Variants in KCNIP3 observed in about 807,000 individuals in gnomAD.
KCNIP3 encodes potassium voltage-gated channel interacting protein 3.
A neutral mutation model predicts 35.0 loss-of-function variants in KCNIP3; 28 were observed. The ratio of observed to expected loss-of-function variants is 0.80; its 90% CI spans 0.59 to 1.10. The LOEUF is 1.10. Among genes scored for constraint, KCNIP3 ranks in the 50% least tolerant of loss-of-function variants. The pLI is 0.00. For missense variants in KCNIP3, 295 were observed against 338.4 expected, an observed-to-expected ratio of 0.87 and a Z score of 1.01; for synonymous variants, 134 against 133.8, an observed-to-expected ratio of 1.00 and a Z score of -0.01.
At chr2:95,373,169 C>T (rs1354464776) in intron 2 of KCNIP3, among the ~76,000 whole-genome samples, 7 of 152,130 alleles carry the variant, frequency 4.6e-5, no homozygotes, top group East Asian at 1.9e-4. Context: ...GACGGTGCAG[C>T]GGGGCCCATG....
At chr2:95,348,177 C>G (rs1041865920) in intron 2 of KCNIP3, among the ~76,000 whole-genome samples, 19 of 152,246 alleles carry the variant, frequency 1.2e-4, no homozygotes, top group African/African-American at 4.3e-4. Context: ...AGAGAACGGG[C>G]TTGCTCCAAG....
At chr2:95,326,838 C>T (rs1161358262) in intron 2 of KCNIP3, among the ~76,000 whole-genome samples, 1 of 152,220 alleles carries the variant, frequency 6.6e-6, no homozygotes, top group African/African-American at 2.4e-5. Context: ...CCCTTGGCCC[C>T]AGTAGGCCTC....
chr2:95,383,878 A>G (rs772882116), intron 8 of KCNIP3, 124 bp from the exon 9 acceptor site: 9 of 829,352 alleles, frequency 1.1e-5, no homozygotes, highest in Non-Finnish European at 1.9e-5. Context: ...AGCTCCCTGC[A>G]CCCAATAAGA....
chr2:95,339,283 G>C (rs1012638178), intron 2 of KCNIP3, among the ~76,000 whole-genome samples: 5 of 152,192 alleles, frequency 3.3e-5, no homozygotes, highest in African/African-American at 1.2e-4. Context: ...CATCATGCTT[G>C]TGGTAATTAG....
intron 1 of KCNIP3, chr2:95,310,135 G>A: frequency 3.0e-6 from 2 of 677,966 alleles, no homozygotes; most frequent in South Asian, 3.0e-5. Context: ...CTCTTCCAGG[G>A]GTCCCATCTT....
intron 2 of KCNIP3, among the ~76,000 whole-genome samples, chr2:95,342,017 C>T (rs756182621): frequency 2.6e-5 from 4 of 152,100 alleles, no homozygotes; most frequent in Non-Finnish European, 5.9e-5. Context: ...CATTAGAGTG[C>T]AGACCCCAAG....
chr2:95,375,682 A>T (rs1680166536), intron 5 of KCNIP3, among the ~76,000 whole-genome samples: 2 of 152,118 alleles, frequency 1.3e-5, no homozygotes, highest in Non-Finnish European at 2.9e-5. Flanking sequence ...GGGCACTGAG[A>T]GCAAAGCCTG....
Position 95,310,651 on chromosome 2 carries a change from G to A in KCNIP3, c.181+131G>A. 3.0e-6 allele frequency: 3 copies of A among 997,126 alleles called. No individual in the cohort carries two copies. In the South Asian group the frequency reaches 4.2e-5, roughly 14 times the overall value. 61.8% of individuals were successfully genotyped at this position (997,126 alleles called of 1,614,324 possible). A position where few individuals can be genotyped will look rare whatever the true frequency, so the allele number is the denominator to read the frequency against. On this transcript the variant is annotated intron_variant, in intron 2 of 8. Transcript: ENST00000295225. ...TACATCGCCCCTGTCTCTATTGGAG[G>A]TGTGTTTTCATTCATTCACACCCTT...
At chr2:95,324,699 T>A (rs967717458) in intron 2 of KCNIP3, among the ~76,000 whole-genome samples, 18 of 151,792 alleles carry the variant, frequency 1.2e-4, no homozygotes, top group Non-Finnish European at 2.6e-4. Context: ...AATCACAAGG[T>A]CAGGAGTTCG....
At position 95,297,389 on chromosome 2, in the gene KCNIP3, C is replaced by G; in HGVS notation, c.-50C>G. On this transcript the variant is annotated 5_prime_UTR_variant, in exon 1 of 9. Transcript: ENST00000295225. ...CAGCCGGCCTGGGCAGTCTTGTCTGCCTCGGCTGTGAAGTGGGGAGGCTGG... is the reference window on the plus strand; with the variant it reads ...CAGCCGGCCTGGGCAGTCTTGTCTGGCTCGGCTGTGAAGTGGGGAGGCTGG... 1 of 1,552,806 alleles carries G rather than the reference C, an allele frequency of 6.4e-7. No homozygotes were observed. The highest frequency in any genetic ancestry group is 1.2e-5 in the South Asian group (1 of 84,334).
At chr2:95,351,878 T>A (rs1265195048) in intron 2 of KCNIP3, among the ~76,000 whole-genome samples, 1 of 151,874 alleles carries the variant, frequency 6.6e-6, no homozygotes, top group Non-Finnish European at 1.5e-5. Context: ...TGTCAGGAAT[T>A]TATGGGAGTA....
chr2:95,326,319 C>T (rs1678790237), intron 2 of KCNIP3, among the ~76,000 whole-genome samples: 2 of 152,224 alleles, frequency 1.3e-5, no homozygotes, highest in Non-Finnish European at 1.5e-5. Context: ...TACACACACA[C>T]GTGTAAACAC....
intron 2 of KCNIP3, among the ~76,000 whole-genome samples, chr2:95,373,281 A>G (rs1365037952): frequency 1.3e-5 from 2 of 152,204 alleles, no homozygotes; most frequent in African/African-American, 2.4e-5. Flanking sequence ...TTTATTTTGC[A>G]TTGTAAAAGT....
At chr2:95,346,022 G>C (rs1041167042) in intron 2 of KCNIP3, among the ~76,000 whole-genome samples, 1 of 152,242 alleles carries the variant, frequency 6.6e-6, no homozygotes, top group Non-Finnish European at 1.5e-5. Context: ...CAAAGTCAGC[G>C]ACCAAGCTCT....
At chr2:95,319,999 A>T (rs1430669514) in intron 2 of KCNIP3, among the ~76,000 whole-genome samples, 1 of 152,124 alleles carries the variant, frequency 6.6e-6, no homozygotes. Context: ...CCTGGCACCG[A>T]GGGCTGGGGC....
At chr2:95,366,317 T>A (rs1372920619) in intron 2 of KCNIP3, among the ~76,000 whole-genome samples, 4 of 152,238 alleles carry the variant, frequency 2.6e-5, no homozygotes, top group African/African-American at 9.6e-5. Context: ...CTCTGGAGTC[T>A]GGACTCTTTC....
At chr2:95,372,229 A>G (rs905179110) in intron 2 of KCNIP3, among the ~76,000 whole-genome samples, 2 of 152,032 alleles carry the variant, frequency 1.3e-5, no homozygotes, top group African/African-American at 4.8e-5. Context: ...CCATCCATCC[A>G]TCCACGCTGC....
At chr2:95,358,099 T>A (rs1321377872) in intron 2 of KCNIP3, among the ~76,000 whole-genome samples, 1 of 152,118 alleles carries the variant, frequency 6.6e-6, no homozygotes, top group East Asian at 1.9e-4. Context: ...ACAGGATGGG[T>A]GACAGCTGTC....
intron 2 of KCNIP3, among the ~76,000 whole-genome samples, chr2:95,344,510 C>A (rs143936399): frequency 1.3e-5 from 2 of 152,336 alleles, no homozygotes; most frequent in East Asian, 1.9e-4. Context: ...CACGGCACAG[C>A]CAGAGGATCG....
Sources: gnomAD v4.1 joint callset for allele counts (sites outside exome capture counted in the v4.1 genomes callset) on GRCh38, gnomAD v4.1.1 for gene constraint, MANE v1.5 for transcripts, NCBI Gene and HGNC (gene_info 2026-07-23, HGNC 2026-07-21) for gene names.